The following CDC5L variants were observed in gnomAD, a reference collection of about 807,000 sequenced individuals.
CDC5L encodes cell division cycle 5-like protein.
Under a neutral mutation model 104.1 loss-of-function variants are expected in CDC5L, and 18 were observed. The observed-to-expected ratio is 0.17, with a 90% CI of 0.12 to 0.26. The LOEUF is 0.26. CDC5L is among the 10% of genes least tolerant of loss of function. The probability of loss-of-function intolerance (pLI) is 1.00; values close to 1 mark genes in which losing one functional copy is unlikely to be tolerated. For missense variants in CDC5L, 673 were observed against 956.9 expected, an observed-to-expected ratio of 0.70 and a Z score of 3.91; for synonymous variants, 331 against 322.7, an observed-to-expected ratio of 1.03 and a Z score of -0.28.
intron 14 of CDC5L, among the ~76,000 whole-genome samples, chr6:44,432,518 G>C (rs1375969809): frequency 2.0e-5 from 3 of 149,856 alleles, no homozygotes; most frequent in Admixed American, 6.6e-5. Flanking sequence ...CTCCTGAATG[G>C]ATTAAAAAAA....
At chr6:44,402,065 T>C (rs1791155737) in intron 5 of CDC5L, among the ~76,000 whole-genome samples, 1 of 140,910 alleles carries the variant, frequency 7.1e-6, no homozygotes, top group Admixed American at 7.3e-5. Flanking sequence ...TGTTGGACAT[T>C]TGGGTTGGTT....
At chr6:44,405,340 G>C (rs1028622307) in intron 6 of CDC5L, among the ~76,000 whole-genome samples, 8 of 152,152 alleles carry the variant, frequency 5.3e-5, no homozygotes, top group Non-Finnish European at 8.8e-5. Context: ...CCTCAGATTA[G>C]GACTTTGCTT....
chr6:44,415,143 C>A (rs1194010093), intron 8 of CDC5L, among the ~76,000 whole-genome samples: 1 of 152,200 alleles, frequency 6.6e-6, no homozygotes, highest in African/African-American at 2.4e-5. Context: ...TATTATCTAT[C>A]CTGTGCCAGT....
rs374735833 is a variant in CDC5L at position 44,396,452 on chromosome 6, T to C, written c.539+12T>C. On this transcript the variant is annotated intron_variant, in intron 5 of 15. Coordinates refer to ENST00000371477, the MANE Select transcript of CDC5L (RefSeq NM_001253.4). ...TTGGAAGAAGCAAGGTATGTGTGGA[T>C]ATAGGAATAAAAAGCAAAGTGTTTT... 7 of 1,537,980 alleles carry C rather than the reference T, an allele frequency of 4.6e-6. No individual in the cohort carries two copies. The highest frequency in any genetic ancestry group is 1.8e-6 in the Non-Finnish European group (2 of 1,120,332).
intron 1 of CDC5L, 25 bp downstream of exon 1, chr6:44,387,893 G>C: frequency 6.5e-7 from 1 of 1,549,632 alleles, no homozygotes; most frequent in Non-Finnish European, 8.7e-7. Flanking sequence ...CCCGCCGTCC[G>C]CTGCCCGCCG....
Position 44,406,481 on chromosome 6 carries a change from A to C in CDC5L, c.903+14A>C. ...CCTGCCCCTCAGGTAATCTGATAAA[A>C]GCAAATTTTTCACTATGTGAATTTA... is the stretch of plus-strand genomic sequence containing the variant. On this transcript the variant is annotated intron_variant, in intron 7 of 15. Coordinates refer to ENST00000371477, the MANE Select transcript of CDC5L (RefSeq NM_001253.4). 6.3e-7 allele frequency: 1 copy of C among 1,596,950 alleles called. No homozygotes were observed. Among genetic ancestry groups the C allele is most frequent in the Non-Finnish European group, 8.5e-7 (1 of 1,175,052 alleles).
chr6:44,419,208 TC>T (rs1200300109), intron 8 of CDC5L, among the ~76,000 whole-genome samples: 2 of 152,244 alleles, frequency 1.3e-5, no homozygotes, highest in Non-Finnish European at 2.9e-5. Context: ...GTTTCAGCTT[TC>T]TACATATGGC....
At chr6:44,429,532 A>G (rs772545883) in intron 13 of CDC5L, among the ~76,000 whole-genome samples, 181 bp from the exon 14 acceptor site, 1 of 152,174 alleles carries the variant, frequency 6.6e-6, no homozygotes, top group African/African-American at 2.4e-5. Flanking sequence ...AGCAGTCTGC[A>G]TTGACTCAAA....
Position 44,448,563 on chromosome 6 carries a change from C to T in CDC5L, c.*1852C>T, listed in dbSNP as rs1248162064. ...TGTGGAGAGACATGATAGGTATATA[C>T]TTAATAGTCTTATCAGACGATAAAT... On this transcript the variant is annotated 3_prime_UTR_variant, in exon 16 of 16. Transcript: ENST00000371477. 1 of 152,162 alleles carries T rather than the reference C, an allele frequency of 6.6e-6. No individual in the cohort carries two copies. The highest frequency in any genetic ancestry group is 2.4e-5 in the African/African-American group (1 of 41,424). 9.4% of individuals were successfully genotyped at this position (152,162 alleles called of 1,614,324 possible).
At chr6:44,426,216 T>C in intron 12 of CDC5L, 33 bp downstream of exon 12, 1 of 1,468,508 alleles carries the variant, frequency 6.8e-7, no homozygotes, top group Non-Finnish European at 9.4e-7. Context: ...TAGGAAGTTT[T>C]AAGTTTCTTT....
At chr6:44,388,078 A>C (rs570792310) in intron 1 of CDC5L, among the ~76,000 whole-genome samples, 1 of 150,718 alleles carries the variant, frequency 6.6e-6, no homozygotes, top group South Asian at 2.1e-4. Flanking sequence ...CCACCTGGCT[A>C]CTCGGCTCCA....
rs1197937486 is a variant in CDC5L at position 44,387,725 on chromosome 6, G to T, written c.-99G>T. The T allele has an allele frequency of 2.8e-6, 3 of 1,068,018 alleles. No individual in the cohort carries two copies. Among genetic ancestry groups the T allele is most frequent in the African/African-American group, 3.1e-5 (2 of 63,624 alleles). 66.2% of individuals were successfully genotyped at this position (1,068,018 alleles called of 1,614,324 possible). A position where few individuals can be genotyped will look rare whatever the true frequency, so the allele number is the denominator to read the frequency against. Reference sequence around the variant, plus strand: ...GCAGATCTTCAAAGCAGAAGGTCGCGCTTGGAGGAAGTGGCGGCTTTGAGT... The same window carrying T: ...GCAGATCTTCAAAGCAGAAGGTCGCTCTTGGAGGAAGTGGCGGCTTTGAGT... On this transcript the variant is annotated 5_prime_UTR_variant, in exon 1 of 16. Transcript: ENST00000371477.
chr6:44,433,547 A>G (rs1048858588), intron 14 of CDC5L, among the ~76,000 whole-genome samples: 1 of 152,160 alleles, frequency 6.6e-6, no homozygotes, highest in African/African-American at 2.4e-5. Context: ...AGTTTGGCTG[A>G]AAAGTGGATT....
chr6:44,434,334 G>A (rs1289622436), intron 14 of CDC5L, among the ~76,000 whole-genome samples: 1 of 152,142 alleles, frequency 6.6e-6, no homozygotes, highest in Non-Finnish European at 1.5e-5. Context: ...GCTTTTCAGG[G>A]ATGCAATCTG....
At chr6:44,445,092 G>A (rs1288166920) in intron 14 of CDC5L, among the ~76,000 whole-genome samples, 1 of 152,076 alleles carries the variant, frequency 6.6e-6, no homozygotes, top group Non-Finnish European at 1.5e-5. Context: ...GCCCCCAAAG[G>A]GTGCAGTCCC....
intron 5 of CDC5L, 99 bp downstream of exon 5, chr6:44,396,539 T>TTC: frequency 4.4e-6 from 3 of 679,528 alleles, no homozygotes; most frequent in Non-Finnish European, 2.5e-6. Flanking sequence ...TTTTTTTTTT[T>TTC]CCCCTCTCCA....
chr6:44,390,736 C>A lies in CDC5L; in HGVS notation c.149+365C>A, dbSNP rs1374441162. 2.0e-5 allele frequency among the ~76,000 whole-genome samples: 3 copies of A among 152,122 alleles called. No homozygotes were observed. The East Asian group carries it at 5.8e-4, about 29-fold the overall frequency. ...CCCCAGCTTGTAAATTAATTGTGTT[C>A]TAAAAGTGCATAAGTTAGCTGTTTT... is the stretch of plus-strand genomic sequence containing the variant. On this transcript the variant is annotated intron_variant, in intron 2 of 15. Transcript: ENST00000371477.
chr6:44,419,477 A>G lies in CDC5L; in HGVS notation c.1121A>G (p.Asn374Ser). The G allele has an allele frequency of 1.2e-6, 2 of 1,614,190 alleles. No individual in the cohort carries two copies. The highest frequency in any genetic ancestry group is 1.7e-6 in the Non-Finnish European group (2 of 1,180,010). Residue 374 changes from asparagine to serine, a missense_variant, in exon 9 of 16, where the codon AAT becomes AGT. Coordinates refer to ENST00000371477, the MANE Select transcript of CDC5L (RefSeq NM_001253.4). ...GCCCAGAACCTCATGGCCCTCACCA[A>G]TGTGGACACCCCATTGAAAGGTGGA... ...QEAQNLMALT[N>S]VDTPLKGGLN...
chr6:44,444,631 A>G (rs539692982), intron 14 of CDC5L, among the ~76,000 whole-genome samples: 5 of 151,898 alleles, frequency 3.3e-5, no homozygotes, highest in African/African-American at 1.2e-4. Context: ...TTGGAGAGAA[A>G]ATGAGAGCTG....
Sources: allele counts gnomAD v4.1 joint callset (sites outside exome capture counted in the v4.1 genomes callset), GRCh38; gene constraint gnomAD v4.1.1; transcripts MANE v1.5; gene names NCBI Gene and HGNC (gene_info 2026-07-23, HGNC 2026-07-21).